MECOM: variants seen among roughly 807,000 people sequenced by gnomAD.
MECOM encodes the protein histone-lysine N-methyltransferase MECOM.
MECOM carries 13 observed loss-of-function variants against 116.3 expected under a neutral mutation model. That is an observed-to-expected ratio of 0.11 (90% CI 0.07 to 0.18). The LOEUF (loss-of-function observed/expected upper bound fraction) is 0.18, where lower values mean the gene tolerates loss of function less well. Among genes scored for constraint, MECOM ranks in the 10% least tolerant of loss-of-function variants. The pLI is 1.00. For missense variants in MECOM, 1,299 were observed against 1,509.0 expected (o/e 0.86, Z 2.31); for synonymous variants, 528 against 535.2 (o/e 0.99, Z 0.19).
intron 1 of MECOM, among the ~76,000 whole-genome samples, chr3:169,550,713 C>A (rs935048598): frequency 6.6e-6 from 1 of 152,166 alleles, no homozygotes; most frequent in Non-Finnish European, 1.5e-5. Flanking sequence ...ATTACCTAGA[C>A]CCCAAACCAA....
chr3:169,474,238 AAAC>A (rs1248923264), intron 1 of MECOM, among the ~76,000 whole-genome samples: 1 of 152,234 alleles, frequency 6.6e-6, no homozygotes, highest in East Asian at 1.9e-4. Context: ...CCGAGAGAGC[AAAC>A]AACAACAAAC....
chr3:169,507,064 A>T (rs1338809081), intron 1 of MECOM, among the ~76,000 whole-genome samples: 2 of 152,238 alleles, frequency 1.3e-5, no homozygotes, highest in East Asian at 3.8e-4. Context: ...TTGTCTGGAT[A>T]ATATTAAAAA....
intron 3 of MECOM, among the ~76,000 whole-genome samples, chr3:169,143,396 T>C (rs1738716091): frequency 6.6e-6 from 1 of 152,104 alleles, no homozygotes; most frequent in Non-Finnish European, 1.5e-5. Context: ...CCTACTATGA[T>C]AGCAAAGAAA....
chr3:169,290,651 C>T (rs1029104886), intron 2 of MECOM, among the ~76,000 whole-genome samples: 3 of 152,124 alleles, frequency 2.0e-5, no homozygotes, highest in Non-Finnish European at 4.4e-5. Flanking sequence ...TGTTGGGTGA[C>T]TTAACCAATA....
chr3:169,186,322 A>G (rs542551605), intron 2 of MECOM, among the ~76,000 whole-genome samples: 1 of 141,980 alleles, frequency 7.0e-6, no homozygotes, highest in East Asian at 2.3e-4. Flanking sequence ...GGAAGGAAGA[A>G]AGGAAGGAAG....
intron 1 of MECOM, among the ~76,000 whole-genome samples, chr3:169,486,804 C>G (rs1457542166): frequency 2.0e-5 from 3 of 151,962 alleles, no homozygotes; most frequent in South Asian, 4.1e-4. Flanking sequence ...TCAGATAAAG[C>G]CTTGTGAAAA....
intron 1 of MECOM, among the ~76,000 whole-genome samples, chr3:169,412,285 C>CAA (rs10687946): frequency 0.079 from 8,230 of 104,738 alleles, 625 homozygotes; most frequent in Admixed American, 0.23. Context: ...GACTCTGTCT[C>CAA]AAAAAAAAAA....
At chr3:169,508,715 A>G (rs894638408) in intron 1 of MECOM, among the ~76,000 whole-genome samples, 1 of 152,212 alleles carries the variant, frequency 6.6e-6, no homozygotes, top group Non-Finnish European at 1.5e-5. Flanking sequence ...TTTTCCTAAA[A>G]TAGATACTTT....
chr3:169,562,423 T>C (rs748189611), intron 1 of MECOM, among the ~76,000 whole-genome samples: 4 of 152,124 alleles, frequency 2.6e-5, no homozygotes, highest in Non-Finnish European at 4.4e-5. Flanking sequence ...AAATGTTGTT[T>C]CTGCCTTCAT....
At chr3:169,265,900 C>T (rs975596028) in intron 2 of MECOM, among the ~76,000 whole-genome samples, 6 of 151,728 alleles carry the variant, frequency 4.0e-5, no homozygotes, top group African/African-American at 1.5e-4. Flanking sequence ...GCTATTAAGC[C>T]ATTCTTTACT....
intron 1 of MECOM, among the ~76,000 whole-genome samples, chr3:169,621,898 C>G (rs1044717819): frequency 6.6e-6 from 1 of 152,130 alleles, no homozygotes; most frequent in Non-Finnish European, 1.5e-5. Context: ...TTACCTGCAT[C>G]ATTGACAGGA....
intron 2 of MECOM, among the ~76,000 whole-genome samples, chr3:169,231,774 G>GA (rs11456636): frequency 0.13 from 17,344 of 136,616 alleles, 1,257 homozygotes; most frequent in African/African-American, 0.2. Context: ...CCCATGACCA[G>GA]AAAAAAAAAA....
chr3:169,429,563 C>A (rs547305316), intron 1 of MECOM, among the ~76,000 whole-genome samples: 1 of 152,218 alleles, frequency 6.6e-6, no homozygotes, highest in African/African-American at 2.4e-5. Flanking sequence ...TATTTTCTAC[C>A]AGATGAGATG....
chr3:169,423,201 C>A (rs532806827), intron 1 of MECOM, among the ~76,000 whole-genome samples: 3 of 152,164 alleles, frequency 2.0e-5, no homozygotes, highest in African/African-American at 7.2e-5. Context: ...AGAAGCTAGA[C>A]TCTAAGAATC....
At chr3:169,404,193 T>C (rs1465202289) in intron 1 of MECOM, among the ~76,000 whole-genome samples, 1 of 152,104 alleles carries the variant, frequency 6.6e-6, no homozygotes, top group Non-Finnish European at 1.5e-5. Context: ...GCCAAATTTC[T>C]TCCTAGATTA....
chr3:169,495,231 C>T (rs917734307), intron 1 of MECOM, among the ~76,000 whole-genome samples: 3 of 152,088 alleles, frequency 2.0e-5, no homozygotes, highest in Non-Finnish European at 4.4e-5. Flanking sequence ...AATTATGTGA[C>T]CGGTTTATAG....
intron 1 of MECOM, among the ~76,000 whole-genome samples, chr3:169,454,696 T>A (rs1746187402): frequency 6.6e-6 from 1 of 152,198 alleles, no homozygotes; most frequent in African/African-American, 2.4e-5. Flanking sequence ...GTCTGTCACA[T>A]AAATTATTAT....
intron 2 of MECOM, among the ~76,000 whole-genome samples, chr3:169,213,077 T>A (rs1750980386): frequency 6.8e-6 from 1 of 147,950 alleles, no homozygotes; most frequent in African/African-American, 2.4e-5. Flanking sequence ...CTTTCTTTTT[T>A]ATTTTTTTTA....
chr3:169,490,777 T>C (rs1277545182), intron 1 of MECOM, among the ~76,000 whole-genome samples: 1 of 152,216 alleles, frequency 6.6e-6, no homozygotes, highest in Non-Finnish European at 1.5e-5. Context: ...ATCTGTAATA[T>C]TTTCTTTCTT....
Sources: allele counts gnomAD v4.1 joint callset (sites outside exome capture counted in the v4.1 genomes callset), GRCh38; gene constraint gnomAD v4.1.1; transcripts MANE v1.5; gene names NCBI Gene and HGNC (gene_info 2026-07-23, HGNC 2026-07-21).